The following SCRN3 variants were observed in gnomAD, a reference collection of about 807,000 sequenced individuals.
The protein encoded by SCRN3 is secernin-3.
A neutral mutation model predicts 43.1 loss-of-function variants in SCRN3; 39 were observed. The observed-to-expected ratio is 0.91, with a 90% CI of 0.70 to 1.18. The LOEUF is 1.18. Ranked by LOEUF, SCRN3 falls within the 50% of genes most tolerant of loss-of-function variation. The pLI is 0.00. For synonymous variants in SCRN3, 147 were observed against 163.1 expected (o/e 0.90, Z 0.75); for missense variants, 484 against 498.0 (o/e 0.97, Z 0.27).
At chr2:174,413,673 C>T (rs1686008390) in intron 5 of SCRN3, among the ~76,000 whole-genome samples, 1 of 148,042 alleles carries the variant, frequency 6.8e-6, no homozygotes. Context: ...TCACTGCAAC[C>T]TCCTCCTCCC....
In SCRN3 at chr2:174,408,433, T is replaced by C. The variant is rs566748938; in HGVS notation, c.754+4118T>C. 1.7e-4 allele frequency among the ~76,000 whole-genome samples: 24 copies of C among 143,936 alleles called. 1 individual carries two copies. Among genetic ancestry groups the C allele is most frequent in the African/African-American group, 5.9e-4 (24 of 40,836 alleles). 94.4% of individuals were successfully genotyped at this position (143,936 alleles called of 152,430 possible). On this transcript the variant is annotated intron_variant, in intron 5 of 7. Transcript: ENST00000272732. ...ATCCAATTTGCCAGTCTGTGTCTTT[T>C]AATTGGAGAATTTAGTCCATTTATA...
intron 3 of SCRN3, 83 bp downstream of exon 3, chr2:174,400,186 T>C: frequency 9.6e-7 from 1 of 1,042,376 alleles, no homozygotes; most frequent in Non-Finnish European, 1.4e-6. Context: ...TATTTTCCTA[T>C]TTTTGAGGGG....
intron 5 of SCRN3, among the ~76,000 whole-genome samples, chr2:174,413,375 C>T (rs768551725): frequency 1.3e-4 from 20 of 152,102 alleles, no homozygotes; most frequent in Admixed American, 2.6e-4. Flanking sequence ...TGGTTGTACT[C>T]AGCCTGCAAA....
rs773605667 is a variant in SCRN3 at position 174,424,444 on chromosome 2, A to G, written c.918-31A>G. 43 of 1,426,986 alleles carry G rather than the reference A, an allele frequency of 3.0e-5. No individual in the cohort carries two copies. In the East Asian group the frequency reaches 8.7e-4, roughly 29 times the overall value. 88.4% of individuals were successfully genotyped at this position (1,426,986 alleles called of 1,614,324 possible). On this transcript the variant is annotated intron_variant, in intron 6 of 7. Coordinates refer to ENST00000272732, the MANE Select transcript of SCRN3 (RefSeq NM_024583.5). ...ACACTGAATATTTTTATATATTGAC[A>G]TGATAATTTAATAAAGACTCTTTTT...
chr2:174,401,069 G>A lies in SCRN3; in HGVS notation c.421G>A (p.Gly141Arg). The change falls in exon 4 of 8, where the codon GGA (glycine) becomes AGA (arginine). Residue 141 changes from glycine to arginine, a missense_variant. Coordinates refer to ENST00000272732, the MANE Select transcript of SCRN3 (RefSeq NM_024583.5). ...CTTACTAGAAAAATATGGCCAGGGT[G>A]GAAATTGCACAGAGGGTAGAATGGT... ...VDLLEKYGQG[G>R]NCTEGRMVFS... The A allele has an allele frequency of 6.2e-7, 1 of 1,613,800 alleles. No homozygotes were observed. Among genetic ancestry groups the A allele is most frequent in the Non-Finnish European group, 8.5e-7 (1 of 1,179,874 alleles).
intron 1 of SCRN3, chr2:174,397,316 C>A: frequency 1.0e-6 from 1 of 985,130 alleles, no homozygotes; most frequent in Non-Finnish European, 1.2e-6. Context: ...CTCTGTAAAA[C>A]AATGTGTCTG....
In SCRN3 at chr2:174,395,752, A is replaced by C. The variant is rs1685279643; in HGVS notation, c.-75A>C. On this transcript the variant is annotated 5_prime_UTR_variant, in exon 1 of 8. Transcript: ENST00000272732. ...GAGATCAAAGGTGACAGCTTCCGGC[A>C]ACTGATGCCTCCACTGGCCACTCCT... 6.3e-6 allele frequency: 10 copies of C among 1,593,410 alleles called. No individual in the cohort carries two copies. Among genetic ancestry groups the C allele is most frequent in the East Asian group, 2.2e-5 (1 of 44,676 alleles).
chr2:174,404,219 G>C lies in SCRN3; in HGVS notation c.658G>C (p.Asp220His), dbSNP rs1280922037. The stretch of plus-strand genomic sequence containing the variant: ...TTGGTGGGATGGTAAAAAGGAGTTT[G>C]ATTTTGCTGCAGCATATTCCTATCT... ...KGWWDGKKEF[D>H]FAAAYSYLDT... Residue 220 changes from aspartate (D) to histidine (H), a missense_variant, in exon 5 of 8, where the codon GAT becomes CAT. Coordinates refer to ENST00000272732, the MANE Select transcript of SCRN3 (RefSeq NM_024583.5). 6.2e-7 allele frequency: 1 copy of C among 1,613,868 alleles called. No individual in the cohort carries two copies. The highest frequency in any genetic ancestry group is 1.1e-5 in the South Asian group (1 of 91,076).
intron 7 of SCRN3, among the ~76,000 whole-genome samples, chr2:174,426,895 C>T (rs751448606): frequency 6.6e-5 from 10 of 151,916 alleles, no homozygotes; most frequent in Non-Finnish European, 1.2e-4. Flanking sequence ...TGCCCTGGTG[C>T]GATCTCAGCT....
At chr2:174,397,015 G>C in intron 1 of SCRN3, 3 of 929,264 alleles carry the variant, frequency 3.2e-6, no homozygotes, top group Non-Finnish European at 3.9e-6. Context: ...TAAATAGTCT[G>C]CCAAAGTTAT....
At chr2:174,423,817 G>A (rs1686386244) in intron 6 of SCRN3, among the ~76,000 whole-genome samples, 1 of 121,088 alleles carries the variant, frequency 8.3e-6, no homozygotes, top group Admixed American at 1.0e-4. Flanking sequence ...ACAGGGCCTT[G>A]CTCTGTCACC....
chr2:174,400,996 C>T lies in SCRN3; in HGVS notation c.348C>T (p.Gly116=), dbSNP rs370616137. The T allele has an allele frequency of 1.9e-5, 30 of 1,607,540 alleles. No homozygotes were observed. Among genetic ancestry groups the T allele is most frequent in the African/African-American group, 1.7e-4 (13 of 74,644 alleles). The stretch of plus-strand genomic sequence containing the variant: ...CTTTATATTTTTGTTTTAGACTTGG[C>T]CTTGAAAGAGCTGATACAGCTGAAA... ...ALLGMDLVRL[G]LERADTAEKA... is the part of the protein sequence containing the mutation. The change falls in exon 4 of 8, where the codon GGC becomes GGT. Residue 116 remains glycine (G), a synonymous_variant. Transcript: ENST00000272732.
At chr2:174,418,547 T>C (rs975320543) in intron 5 of SCRN3, among the ~76,000 whole-genome samples, 10 of 152,224 alleles carry the variant, frequency 6.6e-5, no homozygotes, top group African/African-American at 2.2e-4. Context: ...ACTTACTCAG[T>C]GCTTGCTAGT....
intron 5 of SCRN3, among the ~76,000 whole-genome samples, chr2:174,414,573 G>A (rs992480918): frequency 7.2e-5 from 11 of 152,088 alleles, no homozygotes; most frequent in African/African-American, 2.7e-4. Context: ...CAGATATGTA[G>A]TATCCTATTA....
rs1301401277 is a variant in SCRN3, at chr2:174,414,301, T to C, written c.755-8584T>C. Among the ~76,000 whole-genome samples the C allele has an allele frequency of 2.6e-5, 4 of 152,206 alleles. No individual in the cohort carries two copies. In the East Asian group the frequency reaches 7.7e-4, roughly 29 times the overall value. Reference sequence around the variant, plus strand: ...CAAAATTCTAAAGTACACAAGATTATACAATGAAGTCTCTCTTTCCTACCC... The same window carrying C: ...CAAAATTCTAAAGTACACAAGATTACACAATGAAGTCTCTCTTTCCTACCC... On this transcript the variant is annotated intron_variant, in intron 5 of 7. Transcript: ENST00000272732.
intron 6 of SCRN3, 36 bp from the exon 7 acceptor site, chr2:174,424,439 T>G: frequency 7.2e-7 from 1 of 1,389,596 alleles, no homozygotes; most frequent in Non-Finnish European, 1.0e-6. Flanking sequence ...TTTTTATATA[T>G]TGACATGATA....
chr2:174,413,167 C>T (rs1056113321), intron 5 of SCRN3, among the ~76,000 whole-genome samples: 3 of 152,144 alleles, frequency 2.0e-5, no homozygotes, highest in Non-Finnish European at 4.4e-5. Context: ...CCACCACACC[C>T]GGCCGATAGT....
At chr2:174,426,068 T>C (rs1037231391) in intron 7 of SCRN3, among the ~76,000 whole-genome samples, 10 of 152,198 alleles carry the variant, frequency 6.6e-5, no homozygotes, top group African/African-American at 2.2e-4. Context: ...CGGAATTTTA[T>C]CCCAGTTTAT....
intron 5 of SCRN3, among the ~76,000 whole-genome samples, chr2:174,405,435 T>C: frequency 2.8e-5 from 3 of 106,458 alleles, no homozygotes; most frequent in African/African-American, 1.0e-4. Context: ...GTAGTTTCTT[T>C]TGCTGTGCAG....
Sources: gnomAD v4.1 joint callset for allele counts (sites outside exome capture counted in the v4.1 genomes callset) on GRCh38, gnomAD v4.1.1 for gene constraint, MANE v1.5 for transcripts, NCBI Gene and HGNC (gene_info 2026-07-23, HGNC 2026-07-21) for gene names.